BPGM: variants seen among roughly 807,000 people sequenced by gnomAD.
BPGM encodes 2,3-bisphosphoglycerate mutase, erythrocyte.
BPGM carries 15 observed loss-of-function variants against 21.6 expected under a neutral mutation model. The ratio of observed to expected loss-of-function variants is 0.70; its 90% CI spans 0.47 to 1.07. The LOEUF is 1.07. Among genes scored for constraint, BPGM ranks in the 50% least tolerant of loss-of-function variants. The pLI, the probability that BPGM is intolerant of heterozygous loss-of-function variation, is 0.00. For synonymous variants in BPGM, 113 were observed against 116.2 expected, an observed-to-expected ratio of 0.97 and a Z score of 0.18; for missense variants, 273 against 319.0, an observed-to-expected ratio of 0.86 and a Z score of 1.10.
At chr7:134,676,198 T>C (rs1263592775) in intron 2 of BPGM, among the ~76,000 whole-genome samples, 2 of 152,190 alleles carry the variant, frequency 1.3e-5, no homozygotes. Flanking sequence ...GCTAGGATCT[T>C]AAATACAATG....
chr7:134,648,393 C>T (rs547186467), intron 1 of BPGM, among the ~76,000 whole-genome samples: 6 of 152,130 alleles, frequency 3.9e-5, no homozygotes, highest in Admixed American at 1.3e-4. Context: ...CCTCGGCCTC[C>T]CAAAGTGCTG....
intron 2 of BPGM, among the ~76,000 whole-genome samples, chr7:134,678,009 A>ATGAG (rs1187029418): frequency 6.6e-6 from 1 of 152,238 alleles, no homozygotes; most frequent in East Asian, 1.9e-4. Context: ...TGATGATTAA[A>ATGAG]TGAGTTAATA....
At chr7:134,649,400 C>T (rs1446370277) in intron 1 of BPGM, among the ~76,000 whole-genome samples, 2 of 152,190 alleles carry the variant, frequency 1.3e-5, no homozygotes, top group African/African-American at 4.8e-5. Flanking sequence ...CTTTCTTCCT[C>T]TTTTGCCTGC....
chr7:134,667,581 A>G (rs557586189), intron 2 of BPGM, among the ~76,000 whole-genome samples: 2 of 152,314 alleles, frequency 1.3e-5, no homozygotes, highest in African/African-American at 2.4e-5. Flanking sequence ...AGCTTTCACT[A>G]CTGTTAAGAA....
intron 2 of BPGM, among the ~76,000 whole-genome samples, chr7:134,666,409 A>C (rs1459999503): frequency 6.6e-6 from 1 of 152,140 alleles, no homozygotes; most frequent in Non-Finnish European, 1.5e-5. Context: ...AATAAAAATG[A>C]TGGGGTTGAT....
intron 1 of BPGM, among the ~76,000 whole-genome samples, chr7:134,650,119 CTGGGCTCATATCTA>C (rs1222865550): frequency 3.3e-5 from 5 of 152,202 alleles, no homozygotes; most frequent in Non-Finnish European, 7.3e-5. Context: ...AGTAGCAGAG[CTGGGCTCATATCTA>C]GGTTGTTTTT....
chr7:134,659,876 C>T (rs1795702525), intron 1 of BPGM, among the ~76,000 whole-genome samples: 1 of 152,058 alleles, frequency 6.6e-6, no homozygotes, highest in African/African-American at 2.4e-5. Flanking sequence ...CATTGCAGAT[C>T]GAGTAGGGGA....
intron 1 of BPGM, among the ~76,000 whole-genome samples, chr7:134,656,728 T>C (rs1795644778): frequency 6.6e-6 from 1 of 152,192 alleles, no homozygotes; most frequent in Non-Finnish European, 1.5e-5. Context: ...CCATGACACA[T>C]GGGGATTATG....
chr7:134,661,314 G>T lies in BPGM; in HGVS notation c.-61-133G>T. On this transcript the variant is annotated intron_variant, in intron 1 of 2. Coordinates refer to ENST00000344924, the MANE Select transcript of BPGM (RefSeq NM_001724.5). The surrounding 1 kb of genome is among the most constrained non-coding windows in gnomAD (Gnocchi z 4.6). ...AGAATATGCCTGTATGTGTCACAGT[G>T]TATGAGTTATCACATTTCTGACTGT... 1.4e-6 allele frequency: 1 copy of T among 692,098 alleles called. No homozygotes were observed. Among genetic ancestry groups the T allele is most frequent in the Non-Finnish European group, 2.4e-6 (1 of 417,260 alleles). The allele number at this position is 692,098 out of a possible 1,614,324, so 42.9% of individuals were successfully genotyped here.
intron 1 of BPGM, among the ~76,000 whole-genome samples, chr7:134,659,372 C>T (rs1012242341): frequency 6.9e-6 from 1 of 145,282 alleles, no homozygotes; most frequent in Non-Finnish European, 1.5e-5. Flanking sequence ...CACACCCCTC[C>T]GTGTGTGTGT....
intron 2 of BPGM, among the ~76,000 whole-genome samples, chr7:134,667,567 C>A (rs138924149): frequency 1.6e-4 from 24 of 152,224 alleles, no homozygotes; most frequent in Non-Finnish European, 3.5e-4. Flanking sequence ...AAAATGAAGA[C>A]GTTAGCTTTC....
intron 1 of BPGM, among the ~76,000 whole-genome samples, chr7:134,654,694 G>T (rs1795611069): frequency 6.6e-6 from 1 of 152,202 alleles, no homozygotes; most frequent in South Asian, 2.1e-4. Context: ...AACCGTGGAA[G>T]AGCTGGAGGA....
chr7:134,667,335 G>A (rs988963718), intron 2 of BPGM, among the ~76,000 whole-genome samples: 3 of 151,932 alleles, frequency 2.0e-5, no homozygotes, highest in East Asian at 1.9e-4. Flanking sequence ...CCTGTTGTCC[G>A]AATGTAATTA....
chr7:134,679,360 CATT>C lies in BPGM; in HGVS notation c.*333_*335del. The C allele has an allele frequency of 3.2e-6, 1 of 314,808 alleles. No individual in the cohort carries two copies. Among genetic ancestry groups the C allele is most frequent in the Non-Finnish European group, 6.0e-6 (1 of 166,266 alleles). The allele number at this position is 314,808 out of a possible 1,614,324, so 19.5% of individuals were successfully genotyped here. On this transcript the variant is annotated 3_prime_UTR_variant, in exon 3 of 3. Coordinates refer to ENST00000344924, the MANE Select transcript of BPGM (RefSeq NM_001724.5). ...TAAAGGTATTTATCATTCAAGAAAT[CATT>C]ATTGAGTCACCATTGACAGGCACTA...
intron 2 of BPGM, among the ~76,000 whole-genome samples, chr7:134,672,192 C>G (rs1315347802): frequency 1.3e-5 from 2 of 152,122 alleles, no homozygotes; most frequent in Non-Finnish European, 2.9e-5. Context: ...TTTAAATTGA[C>G]TGCAGTTAGC....
At chr7:134,659,003 A>G (rs2131426364) in intron 1 of BPGM, among the ~76,000 whole-genome samples, 1 of 151,954 alleles carries the variant, frequency 6.6e-6, no homozygotes, top group African/African-American at 2.4e-5. Context: ...CCATGTTGCT[A>G]TTACTACATT....
At chr7:134,653,113 T>G (rs956499327) in intron 1 of BPGM, among the ~76,000 whole-genome samples, 3 of 152,258 alleles carry the variant, frequency 2.0e-5, no homozygotes, top group Non-Finnish European at 4.4e-5. Flanking sequence ...GAAAATTATA[T>G]GAAATTCTAA....
chr7:134,667,529 G>T (rs954940290), intron 2 of BPGM, among the ~76,000 whole-genome samples: 1 of 152,094 alleles, frequency 6.6e-6, no homozygotes, highest in African/African-American at 2.4e-5. Flanking sequence ...AACATAGTGA[G>T]ACCCCATTTT....
intron 2 of BPGM, among the ~76,000 whole-genome samples, chr7:134,666,117 C>T (rs1292241103): frequency 6.6e-6 from 1 of 151,924 alleles, no homozygotes; most frequent in African/African-American, 2.4e-5. Context: ...TGGCCTCAAG[C>T]GATCTACCCA....
Sources: allele counts gnomAD v4.1 joint callset (sites outside exome capture counted in the v4.1 genomes callset), GRCh38; gene constraint gnomAD v4.1.1; non-coding constraint Gnocchi (gnomAD v3.1); transcripts MANE v1.5; gene names NCBI Gene and HGNC (gene_info 2026-07-23, HGNC 2026-07-21).